CRADD: variants seen among roughly 807,000 people sequenced by gnomAD.
CRADD encodes death domain-containing protein CRADD.
CRADD carries 9 observed loss-of-function variants against 15.5 expected under a neutral mutation model. The observed-to-expected ratio is 0.58, with a 90% CI of 0.35 to 1.01. The LOEUF (loss-of-function observed/expected upper bound fraction) is 1.01, where lower values mean the gene tolerates loss of function less well. Ranked by LOEUF, CRADD falls within the 50% of genes least tolerant of loss-of-function variation. CRADD has a pLI of 0.02. For missense variants in CRADD, 227 were observed against 250.3 expected, an observed-to-expected ratio of 0.91 and a Z score of 0.63; for synonymous variants, 118 against 107.6, an observed-to-expected ratio of 1.10 and a Z score of -0.60.
At chr12:93,749,250 A>G (rs1355511601) in intron 2 of CRADD, among the ~76,000 whole-genome samples, 1 of 152,244 alleles carries the variant, frequency 6.6e-6, no homozygotes, top group East Asian at 1.9e-4. Flanking sequence ...TAGAGAGGCC[A>G]GCAAGTTCAA....
At chr12:93,840,695 T>C (rs1958036840) in intron 2 of CRADD, among the ~76,000 whole-genome samples, 1 of 151,988 alleles carries the variant, frequency 6.6e-6, no homozygotes, top group East Asian at 1.9e-4. Flanking sequence ...GCCTCCCGAG[T>C]AGCTGGGATT....
At chr12:93,754,262 A>G (rs951425357) in intron 2 of CRADD, among the ~76,000 whole-genome samples, 2 of 152,254 alleles carry the variant, frequency 1.3e-5, no homozygotes, top group African/African-American at 2.4e-5. Context: ...GACCTGGTCC[A>G]TGAAACCATT....
chr12:93,810,432 T>A (rs981615820), intron 2 of CRADD, among the ~76,000 whole-genome samples: 10 of 151,578 alleles, frequency 6.6e-5, no homozygotes, highest in African/African-American at 2.4e-4. Flanking sequence ...ATGCCTGTAA[T>A]CTCAGCTACT....
At chr12:93,773,163 C>A (rs909169520) in intron 2 of CRADD, among the ~76,000 whole-genome samples, 10 of 152,148 alleles carry the variant, frequency 6.6e-5, no homozygotes, top group Non-Finnish European at 1.5e-4. Context: ...ATATGTCTTA[C>A]GTAAGTCAGA....
chr12:93,722,516 C>G (rs746387098), intron 2 of CRADD, among the ~76,000 whole-genome samples: 2 of 151,902 alleles, frequency 1.3e-5, no homozygotes, highest in Non-Finnish European at 2.9e-5. Context: ...CTTGGATATT[C>G]TGTTTTTCAG....
At chr12:93,703,453 A>G (rs1258322525) in intron 2 of CRADD, among the ~76,000 whole-genome samples, 2 of 150,018 alleles carry the variant, frequency 1.3e-5, no homozygotes, top group Non-Finnish European at 3.0e-5. Context: ...TGCCTCAAGC[A>G]TTGCTCAAGC....
intron 2 of CRADD, among the ~76,000 whole-genome samples, chr12:93,834,702 A>G (rs1286952230): frequency 6.6e-6 from 1 of 152,166 alleles, no homozygotes; most frequent in African/African-American, 2.4e-5. Context: ...TGGTCAGGCT[A>G]GTCTCAAGCT....
intron 2 of CRADD, among the ~76,000 whole-genome samples, chr12:93,858,295 G>C (rs1958291116): frequency 6.6e-6 from 1 of 152,220 alleles, no homozygotes. Flanking sequence ...TCAAAGAAAA[G>C]AATGAGCCTG....
At chr12:93,818,981 G>T (rs1357682173) in intron 2 of CRADD, among the ~76,000 whole-genome samples, 1 of 152,234 alleles carries the variant, frequency 6.6e-6, no homozygotes, top group Non-Finnish European at 1.5e-5. Context: ...CAGCAAGAAA[G>T]AACAATTAGC....
At chr12:93,841,274 G>A (rs2137040358) in intron 2 of CRADD, among the ~76,000 whole-genome samples, 1 of 152,212 alleles carries the variant, frequency 6.6e-6, no homozygotes, top group Non-Finnish European at 1.5e-5. Flanking sequence ...ACTGAAACAA[G>A]CCTATAATTT....
chr12:93,776,450 C>G (rs146692724), intron 2 of CRADD, among the ~76,000 whole-genome samples: 3 of 152,178 alleles, frequency 2.0e-5, no homozygotes, highest in Non-Finnish European at 2.9e-5. Flanking sequence ...TCCAGAAAGG[C>G]AGTACCATTT....
At chr12:93,823,526 G>A (rs1957791708) in intron 2 of CRADD, among the ~76,000 whole-genome samples, 1 of 152,104 alleles carries the variant, frequency 6.6e-6, no homozygotes, top group Non-Finnish European at 1.5e-5. Flanking sequence ...GGATCAACAG[G>A]GTAGAAAGCT....
At chr12:93,685,537 T>C (rs890568617) in intron 2 of CRADD, among the ~76,000 whole-genome samples, 1 of 152,178 alleles carries the variant, frequency 6.6e-6, no homozygotes, top group Admixed American at 6.5e-5. Flanking sequence ...AATGTTACCC[T>C]GTATCCCATA....
At position 93,786,186 on chromosome 12, in the gene CRADD, C is replaced by A. The variant is rs59751068; in HGVS notation, c.299-63784C>A. 5.7e-3 allele frequency among the ~76,000 whole-genome samples: 872 copies of A among 152,240 alleles called. 10 individuals are homozygous for A. Among genetic ancestry groups the A allele is most frequent in the African/African-American group, 0.02 (820 of 41,548 alleles). On this transcript the variant is annotated intron_variant, in intron 2 of 2. Transcript: ENST00000332896. ...TGTTTATCAAATCACTGTTTTAGGC[C>A]CCCTTTGGCTGGCCAGTGGGCCCTC...
chr12:93,873,329 A>G (rs184897334), intron 2 of CRADD, among the ~76,000 whole-genome samples: 19 of 152,182 alleles, frequency 1.2e-4, no homozygotes, highest in Admixed American at 1.0e-3. Flanking sequence ...GGTTTTTCCA[A>G]ATACAAGATC....
chr12:93,685,192 T>C (rs1201968696), intron 2 of CRADD, among the ~76,000 whole-genome samples: 1 of 152,206 alleles, frequency 6.6e-6, no homozygotes, highest in Non-Finnish European at 1.5e-5. Flanking sequence ...CTTCCATTTA[T>C]GGCAAGCAAA....
intron 2 of CRADD, among the ~76,000 whole-genome samples, chr12:93,783,727 A>C (rs1957238414): frequency 6.6e-6 from 1 of 152,214 alleles, no homozygotes; most frequent in Non-Finnish European, 1.5e-5. Context: ...GAAGCCTGAG[A>C]AAAATGGCTA....
chr12:93,884,921 A>C (rs1229144233), intron 2 of CRADD, among the ~76,000 whole-genome samples: 1 of 152,134 alleles, frequency 6.6e-6, no homozygotes, highest in East Asian at 1.9e-4. Flanking sequence ...AACCATTCCT[A>C]AGGAGGGCAT....
intron 2 of CRADD, among the ~76,000 whole-genome samples, chr12:93,721,340 G>C (rs1337673623): frequency 6.6e-6 from 1 of 152,106 alleles, no homozygotes; most frequent in Admixed American, 6.6e-5. Context: ...CATGGGCAGT[G>C]TATTTCATTA....
Sources: allele counts gnomAD v4.1 joint callset (sites outside exome capture counted in the v4.1 genomes callset), GRCh38; gene constraint gnomAD v4.1.1; transcripts MANE v1.5; gene names NCBI Gene and HGNC (gene_info 2026-07-23, HGNC 2026-07-21).